SPRED1: variants seen among roughly 807,000 people sequenced by gnomAD.
The protein encoded by SPRED1 is sprouty-related, EVH1 domain-containing protein 1.
Under a neutral mutation model 52.3 loss-of-function variants are expected in SPRED1, and 18 were observed. The observed-to-expected ratio is 0.34, with a 90% confidence interval of 0.24 to 0.51. The LOEUF is 0.51. Among genes scored for constraint, SPRED1 ranks in the 20% least tolerant of loss-of-function variants. The pLI is 0.97. For missense variants in SPRED1, 485 were observed against 551.0 expected (o/e 0.88, Z 1.20); for synonymous variants, 155 against 179.7 (o/e 0.86, Z 1.10).
chr15:38,332,010 G>A (rs1043912557), intron 4 of SPRED1, among the ~76,000 whole-genome samples: 3 of 152,116 alleles, frequency 2.0e-5, no homozygotes, highest in African/African-American at 7.2e-5. Context: ...ATGCAATACT[G>A]GACTTCTTTG....
At position 38,314,485 on chromosome 15, in the gene SPRED1, T is replaced by C. The variant is rs570001970; in HGVS notation, c.208-7756T>C. On this transcript the variant is annotated intron_variant, in intron 2 of 6. Coordinates refer to ENST00000299084, the MANE Select transcript of SPRED1 (RefSeq NM_152594.3). ...CAAGTTTAATTCCAGCTGAACACTT[T>C]TTCATATCCTTGTAGTCATGTGAGC... is the stretch of plus-strand genomic sequence containing the variant. Among the ~76,000 whole-genome samples, 3 of 152,038 alleles carry C rather than the reference T, an allele frequency of 2.0e-5. No individual in the cohort carries two copies. In the South Asian group the frequency reaches 6.2e-4, roughly 32 times the overall value.
Position 38,295,031 on chromosome 15 carries a change from A to G in SPRED1, c.33-4342A>G, listed in dbSNP as rs1033914663. 2.3e-4 allele frequency among the ~76,000 whole-genome samples: 35 copies of G among 152,216 alleles called. 1 individual carries two copies. Among genetic ancestry groups the G allele is most frequent in the Non-Finnish European group, 4.4e-5 (3 of 68,042 alleles). ...ATTCATCGAGGTAACATTTCCTTGC[A>G]CATTAGATATTTGAGTGCCAGTTGA... On this transcript the variant is annotated intron_variant, in intron 1 of 6. Coordinates refer to ENST00000299084, the MANE Select transcript of SPRED1 (RefSeq NM_152594.3).
intron 1 of SPRED1, among the ~76,000 whole-genome samples, chr15:38,288,035 T>C (rs1894844613): frequency 6.6e-6 from 1 of 152,192 alleles, no homozygotes; most frequent in African/African-American, 2.4e-5. Flanking sequence ...CTCTGAATGA[T>C]ACACAACTGA....
chr15:38,278,465 A>T (rs752836920), intron 1 of SPRED1, among the ~76,000 whole-genome samples: 31 of 152,212 alleles, frequency 2.0e-4, no homozygotes, highest in Non-Finnish European at 4.3e-4. Context: ...CGTGGATGAC[A>T]CAGAGAGACC....
intron 1 of SPRED1, among the ~76,000 whole-genome samples, chr15:38,271,897 C>G (rs998957973): frequency 2.6e-5 from 4 of 152,086 alleles, no homozygotes; most frequent in Non-Finnish European, 5.9e-5. Flanking sequence ...TCAACCCTTA[C>G]TTCCCTCCCT....
In SPRED1 at chr15:38,352,227, C is replaced by T. The variant is rs1888505749; in HGVS notation, c.*563C>T. The T allele has an allele frequency of 6.5e-6, 1 of 152,910 alleles. No individual in the cohort carries two copies. The highest frequency in any genetic ancestry group is 1.4e-5 in the Non-Finnish European group (1 of 69,266). 9.5% of individuals were successfully genotyped at this position (152,910 alleles called of 1,614,324 possible). ...ACATATTAAACTTTTCTTCCCCTTC[C>T]TAGTTCTGAAGTAGATATATATATA... On this transcript the variant is annotated 3_prime_UTR_variant, in exon 7 of 7. Coordinates refer to ENST00000299084, the MANE Select transcript of SPRED1 (RefSeq NM_152594.3).
chr15:38,315,078 AG>A (rs1156840532), intron 2 of SPRED1, among the ~76,000 whole-genome samples: 2 of 151,938 alleles, frequency 1.3e-5, no homozygotes, highest in East Asian at 3.8e-4. Flanking sequence ...TATTTCTTAA[AG>A]GGTACAGGTT....
chr15:38,253,050 T>C lies in SPRED1; in HGVS notation c.-136T>C, dbSNP rs573042758. On this transcript the variant is annotated 5_prime_UTR_variant, in exon 1 of 7. Transcript: ENST00000299084. ...GGGGGGTACCGTTCTGGGTGAGGCA[T>C]CCACCATGGTGAGGCCCCTGTGCCG... is the stretch of plus-strand genomic sequence containing the variant. 1 of 746,490 alleles carries C rather than the reference T, an allele frequency of 1.3e-6. No homozygotes were observed. The highest frequency in any genetic ancestry group is 1.7e-5 in the African/African-American group (1 of 57,514). 46.2% of individuals were successfully genotyped at this position (746,490 alleles called of 1,614,324 possible).
chr15:38,326,082 T>G (rs1328349920), intron 4 of SPRED1: 1 of 152,170 alleles, frequency 6.6e-6, no homozygotes, highest in Non-Finnish European at 1.5e-5. Flanking sequence ...CCGAAGAGAC[T>G]TACTGGAAGC....
chr15:38,335,176 T>C (rs1895887141), intron 4 of SPRED1, among the ~76,000 whole-genome samples: 1 of 152,084 alleles, frequency 6.6e-6, no homozygotes, highest in Non-Finnish European at 1.5e-5. Context: ...TTCTATGTAC[T>C]GTGTAAATTA....
chr15:38,258,066 AGTT>A (rs1307839958), intron 1 of SPRED1, among the ~76,000 whole-genome samples: 1 of 152,224 alleles, frequency 6.6e-6, no homozygotes, highest in Non-Finnish European at 1.5e-5. Context: ...TAAGAGTAGT[AGTT>A]TATTTCAGAT....
At chr15:38,290,640 G>A (rs931717248) in intron 1 of SPRED1, among the ~76,000 whole-genome samples, 29 of 152,266 alleles carry the variant, frequency 1.9e-4, no homozygotes, top group South Asian at 1.4e-3. Context: ...AGTCATGGCG[G>A]GAGGCGAAAG....
At chr15:38,325,844 T>C (rs1001008469) in intron 4 of SPRED1, 8 of 152,146 alleles carry the variant, frequency 5.3e-5, no homozygotes, top group Non-Finnish European at 1.0e-4. Flanking sequence ...GCCAAAACCA[T>C]CTAGTTAAGC....
Position 38,293,597 on chromosome 15 carries a change from G to A in SPRED1, c.33-5776G>A, listed in dbSNP as rs550359004. Among the ~76,000 whole-genome samples the A allele has an allele frequency of 3.3e-5, 5 of 152,298 alleles. No individual in the cohort carries two copies. In the East Asian group the frequency reaches 9.6e-4, roughly 29 times the overall value. The stretch of plus-strand genomic sequence containing the variant: ...TATCTCCTTCATTAGGGTTAATGCA[G>A]TAGTGGTCTCCTACTGCTCTTAGAG... On this transcript the variant is annotated intron_variant, in intron 1 of 6. Coordinates refer to ENST00000299084, the MANE Select transcript of SPRED1 (RefSeq NM_152594.3).
chr15:38,339,867 G>A lies in SPRED1; in HGVS notation c.554G>A (p.Arg185Lys). 2 of 1,613,902 alleles carry A rather than the reference G, an allele frequency of 1.2e-6. No homozygotes were observed. The highest frequency in any genetic ancestry group is 2.2e-5 in the South Asian group (2 of 91,080). Residue 185 changes from arginine to lysine, a missense_variant, in exon 5 of 7, where the codon AGA becomes AAA. Physicochemically the swap from Arg to Lys is conservative, Grantham distance 26. Around this residue, in one of 5 missense-constraint regions of SPRED1, gnomAD observed 232 missense variants for 231.8 expected, o/e 1.00. Transcript: ENST00000299084. ...PSPFEDLNARRVYMQSQANQI... is the reference protein window; with the variant it reads ...PSPFEDLNARKVYMQSQANQI... ...CCCTTTGAAGATCTGAATGCCAGAA[G>A]AGTCTACATGCAAAGCCAAGCCAAT... is the stretch of plus-strand genomic sequence containing the variant.
chr15:38,273,674 T>C (rs551827027), intron 1 of SPRED1, among the ~76,000 whole-genome samples: 4 of 152,130 alleles, frequency 2.6e-5, no homozygotes, highest in African/African-American at 9.6e-5. Flanking sequence ...ATAATTTAAA[T>C]TTAAATGATA....
chr15:38,256,046 GCTGA>G (rs1420544754), intron 1 of SPRED1, among the ~76,000 whole-genome samples: 3 of 152,150 alleles, frequency 2.0e-5, no homozygotes, highest in Non-Finnish European at 2.9e-5. Context: ...TAACTCCTAG[GCTGA>G]CTGTGAGAAT....
At chr15:38,263,320 C>A (rs1347258975) in intron 1 of SPRED1, among the ~76,000 whole-genome samples, 1 of 152,084 alleles carries the variant, frequency 6.6e-6, no homozygotes, top group Admixed American at 6.5e-5. Context: ...TAGAAAGTGT[C>A]CAACAAGGTG....
Position 38,351,819 on chromosome 15 carries a change from C to T in SPRED1, c.*155C>T, listed in dbSNP as rs1449069861. The T allele has an allele frequency of 3.6e-5, 34 of 933,472 alleles. No individual in the cohort carries two copies. The highest frequency in any genetic ancestry group is 3.2e-5 in the Non-Finnish European group (20 of 621,602). 57.8% of individuals were successfully genotyped at this position (933,472 alleles called of 1,614,324 possible). A position where few individuals can be genotyped will look rare whatever the true frequency, so the allele number is the denominator to read the frequency against. On this transcript the variant is annotated 3_prime_UTR_variant, in exon 7 of 7. Coordinates refer to ENST00000299084, the MANE Select transcript of SPRED1 (RefSeq NM_152594.3). ...GAACTCATCAGTTCTTGGCGTTTCA[C>T]GCCATGCCTAACTTTTCCCTTGAGT...
Sources: gnomAD v4.1 joint callset for allele counts (sites outside exome capture counted in the v4.1 genomes callset) on GRCh38, gnomAD v4.1.1 for gene constraint, gnomAD v4.1.1 regional missense constraint, MANE v1.5 for transcripts, NCBI Gene and HGNC (gene_info 2026-07-23, HGNC 2026-07-21) for gene names.